The following CLEC16A variants were observed in gnomAD, a reference collection of about 807,000 sequenced individuals.
CLEC16A encodes the protein C-type lectin domain containing 16A, also known as protein CLEC16A.
CLEC16A carries 51 observed loss-of-function variants against 109.5 expected under a neutral mutation model. The observed-to-expected ratio is 0.47, with a 90% CI of 0.37 to 0.59. The LOEUF is 0.59. Among genes scored for constraint, CLEC16A ranks in the 20% least tolerant of loss-of-function variants. CLEC16A has a pLI of 0.00. For missense variants in CLEC16A, 1,339 were observed against 1,394.0 expected, an observed-to-expected ratio of 0.96 and a Z score of 0.63; for synonymous variants, 673 against 564.2, an observed-to-expected ratio of 1.19 and a Z score of -2.73.
intron 15 of CLEC16A, among the ~76,000 whole-genome samples, chr16:11,043,094 A>G (rs2152857893): frequency 6.6e-6 from 1 of 152,224 alleles, no homozygotes; most frequent in Non-Finnish European, 1.5e-5. Context: ...ACACACACAC[A>G]CATGCTTACA....
At chr16:10,984,556 T>G (rs977328742) in intron 10 of CLEC16A, among the ~76,000 whole-genome samples, 1 of 152,216 alleles carries the variant, frequency 6.6e-6, no homozygotes, top group South Asian at 2.1e-4. Flanking sequence ...TTAACTCTTA[T>G]AAGCGCTCTA....
intron 10 of CLEC16A, among the ~76,000 whole-genome samples, chr16:10,996,781 C>T (rs576270192): frequency 7.2e-5 from 11 of 151,976 alleles, no homozygotes; most frequent in South Asian, 6.2e-4. Context: ...CTCTGAGAGG[C>T]GTGGACTGTG....
chr16:11,136,839 G>A (rs892381697), intron 22 of CLEC16A, among the ~76,000 whole-genome samples: 9 of 152,202 alleles, frequency 5.9e-5, no homozygotes, highest in African/African-American at 1.9e-4. Flanking sequence ...CATTGGCACT[G>A]CGCCCATCTG....
chr16:11,000,178 G>A (rs2044585844), intron 10 of CLEC16A, among the ~76,000 whole-genome samples: 1 of 152,152 alleles, frequency 6.6e-6, no homozygotes, highest in African/African-American at 2.4e-5. Flanking sequence ...TTGGTTCTAG[G>A]GGGCCAGAAT....
At chr16:11,113,673 GAAAGAA>G (rs2051759351) in intron 19 of CLEC16A, among the ~76,000 whole-genome samples, 1 of 152,068 alleles carries the variant, frequency 6.6e-6, no homozygotes, top group Admixed American at 6.6e-5. Flanking sequence ...AAAAAAAACA[GAAAGAA>G]AAAGAAACTA....
intron 19 of CLEC16A, among the ~76,000 whole-genome samples, chr16:11,111,601 T>G (rs952145056): frequency 2.0e-5 from 3 of 152,244 alleles, no homozygotes; most frequent in Non-Finnish European, 4.4e-5. Flanking sequence ...TGGCCATCTT[T>G]GGAAAGTATA....
At chr16:11,155,135 A>T (rs948618848) in intron 22 of CLEC16A, among the ~76,000 whole-genome samples, 4 of 152,138 alleles carry the variant, frequency 2.6e-5, no homozygotes, top group Admixed American at 1.3e-4. Context: ...CCAAAAAAAG[A>T]GAAGAAAATC....
intron 19 of CLEC16A, among the ~76,000 whole-genome samples, chr16:11,096,960 A>G (rs146769443): frequency 7.3e-4 from 111 of 152,360 alleles, no homozygotes; most frequent in Non-Finnish European, 1.3e-3. Context: ...TCAGGAAATG[A>G]CTAAAGTTTA....
chr16:11,173,377 A>T (rs952510889), intron 23 of CLEC16A, among the ~76,000 whole-genome samples: 32 of 151,834 alleles, frequency 2.1e-4, no homozygotes, highest in African/African-American at 7.3e-4. Context: ...CATCTCCGAG[A>T]GTGTGGTTTC....
chr16:11,024,974 C>T (rs1272985837), intron 13 of CLEC16A, 53 bp downstream of exon 13: 2 of 1,231,218 alleles, frequency 1.6e-6, no homozygotes, highest in African/African-American at 1.5e-5. Flanking sequence ...ATACCCATAG[C>T]ATCCTTCCCC....
intron 22 of CLEC16A, among the ~76,000 whole-genome samples, chr16:11,140,470 A>G (rs777421189): frequency 7.9e-5 from 12 of 152,340 alleles, no homozygotes; most frequent in Non-Finnish European, 1.6e-4. Context: ...CCCAAGGGAA[A>G]TGTCCACGGG....
chr16:10,993,082 C>T (rs540262979), intron 10 of CLEC16A, among the ~76,000 whole-genome samples: 34 of 151,926 alleles, frequency 2.2e-4, no homozygotes, highest in African/African-American at 4.1e-4. Context: ...AAGAGAGGGA[C>T]GGTTTTCGTT....
At chr16:11,081,788 C>G (rs1422624754) in intron 19 of CLEC16A, among the ~76,000 whole-genome samples, 1 of 152,206 alleles carries the variant, frequency 6.6e-6, no homozygotes. Flanking sequence ...ATTAAATGGT[C>G]CGCTGCAGAA....
intron 10 of CLEC16A, among the ~76,000 whole-genome samples, chr16:11,002,558 G>A (rs1409145659): frequency 6.6e-6 from 1 of 152,106 alleles, no homozygotes; most frequent in African/African-American, 2.4e-5. Flanking sequence ...TTGATGTATT[G>A]CATTGTGGTG....
At chr16:11,117,513 T>C (rs2052084327) in intron 19 of CLEC16A, among the ~76,000 whole-genome samples, 1 of 152,226 alleles carries the variant, frequency 6.6e-6, no homozygotes, top group Non-Finnish European at 1.5e-5. Context: ...TCCACAGTCA[T>C]TGCAATTATT....
chr16:11,150,913 T>C (rs1047886677), intron 22 of CLEC16A, among the ~76,000 whole-genome samples: 9 of 152,232 alleles, frequency 5.9e-5, no homozygotes, highest in African/African-American at 1.9e-4. Context: ...CTTGCCTTCA[T>C]CTTCACGTGA....
At chr16:11,071,595 C>T (rs1227162215) in intron 19 of CLEC16A, among the ~76,000 whole-genome samples, 3 of 147,446 alleles carry the variant, frequency 2.0e-5, no homozygotes, top group Admixed American at 6.8e-5. Flanking sequence ...GTCAATATTA[C>T]GTTTCTTTTT....
chr16:11,069,774 AT>A (rs1464153239), intron 19 of CLEC16A, among the ~76,000 whole-genome samples: 2 of 152,232 alleles, frequency 1.3e-5, no homozygotes, highest in African/African-American at 4.8e-5. Context: ...CAACAAAAAA[AT>A]ACAACCATGC....
chr16:11,162,115 G>A (rs1407945665), intron 22 of CLEC16A, among the ~76,000 whole-genome samples: 1 of 152,218 alleles, frequency 6.6e-6, no homozygotes, highest in Non-Finnish European at 1.5e-5. Context: ...GTATTTTTGT[G>A]CTTCACAAAT....
Sources: allele counts gnomAD v4.1 joint callset (sites outside exome capture counted in the v4.1 genomes callset), GRCh38; gene constraint gnomAD v4.1.1; transcripts MANE v1.5; gene names NCBI Gene and HGNC (gene_info 2026-07-23, HGNC 2026-07-21).